Variants in AMN1 observed in about 807,000 individuals in gnomAD.
The protein encoded by AMN1 is antagonist of mitotic exit network 1 homolog.
A neutral mutation model predicts 33.0 loss-of-function variants in AMN1; 20 were observed. That is an observed-to-expected ratio of 0.61 (90% CI 0.43 to 0.88). AMN1 has a LOEUF of 0.88. Among genes scored for constraint, AMN1 ranks in the 40% least tolerant of loss-of-function variants. The probability of loss-of-function intolerance (pLI) is 0.00; values close to 1 mark genes in which losing one functional copy is unlikely to be tolerated. For missense variants in AMN1, 246 were observed against 307.4 expected, an observed-to-expected ratio of 0.80 and a Z score of 1.49; for synonymous variants, 114 against 111.9, an observed-to-expected ratio of 1.02 and a Z score of -0.12.
chr12:31,717,539 AATTCT>A (rs1172351535), intron 1 of AMN1, among the ~76,000 whole-genome samples: 14 of 152,130 alleles, frequency 9.2e-5, no homozygotes, highest in African/African-American at 3.4e-4. Context: ...AGATTAAATA[AATTCT>A]TCTCTAGTGT....
intron 1 of AMN1, among the ~76,000 whole-genome samples, chr12:31,723,472 G>A (rs891581472): frequency 6.6e-6 from 1 of 151,962 alleles, no homozygotes; most frequent in African/African-American, 2.4e-5. Context: ...CACTATGCCC[G>A]GCTAAGTTTT....
At position 31,711,861 on chromosome 12, in the gene AMN1, C is replaced by T. The variant is rs530314698; in HGVS notation, c.39-2436G>A. Among the ~76,000 whole-genome samples, 70 of 152,206 alleles carry T rather than the reference C, an allele frequency of 4.6e-4. 1 individual carries two copies. The South Asian group carries it at 0.013, about 29-fold the overall frequency. The stretch of plus-strand genomic sequence containing the variant: ...ATCAACCTCTCTCTATGCCGCCATC[C>T]CCTGCCCTTCCCAGCCTCTGTTAGC... On this transcript the variant is annotated intron_variant, in intron 1 of 6. Transcript: ENST00000281471.
intron 1 of AMN1, among the ~76,000 whole-genome samples, chr12:31,728,002 A>C (rs1188178803): frequency 6.6e-6 from 1 of 152,162 alleles, no homozygotes; most frequent in African/African-American, 2.4e-5. Flanking sequence ...CTGGGATTAC[A>C]GGCGTGAACC....
At chr12:31,701,502 G>A (rs917058208) in intron 3 of AMN1, among the ~76,000 whole-genome samples, 4 of 151,996 alleles carry the variant, frequency 2.6e-5, no homozygotes, top group African/African-American at 7.2e-5. Flanking sequence ...GGTCGGGGGC[G>A]GTCCATCATG....
At chr12:31,672,589 C>A in intron 6 of AMN1, 2 of 399,908 alleles carry the variant, frequency 5.0e-6, no homozygotes, top group Non-Finnish European at 4.5e-6. Context: ...CATGGTATTA[C>A]TTGTTTAAAA....
intron 2 of AMN1, among the ~76,000 whole-genome samples, chr12:31,705,802 AACCTCCTGCTTATC>A (rs1037956494): frequency 6.6e-6 from 1 of 152,106 alleles, no homozygotes; most frequent in African/African-American, 2.4e-5. Context: ...AAAACTCATA[AACCTCCTGCTTATC>A]ACCAAACACT....
Position 31,723,232 on chromosome 12 carries a change from A to G in AMN1, c.38+5739T>C, listed in dbSNP as rs1385244728. ...CACACACACAAACACACACGCACACACACACCACCCCTGGGGCTATTGTTA... is the reference window on the plus strand; with the variant it reads ...CACACACACAAACACACACGCACACGCACACCACCCCTGGGGCTATTGTTA... On this transcript the variant is annotated intron_variant, in intron 1 of 6. Transcript: ENST00000281471. Among the ~76,000 whole-genome samples the G allele has an allele frequency of 2.6e-5, 4 of 152,224 alleles. No homozygotes were observed. The East Asian group carries it at 7.7e-4, about 29-fold the overall frequency.
At chr12:31,711,496 C>A (rs1939464571) in intron 1 of AMN1, among the ~76,000 whole-genome samples, 1 of 152,204 alleles carries the variant, frequency 6.6e-6, no homozygotes, top group South Asian at 2.1e-4. Flanking sequence ...TACCAATAAA[C>A]AACATCCTTG....
intron 1 of AMN1, chr12:31,715,710 G>T: frequency 6.2e-6 from 1 of 160,904 alleles, no homozygotes; most frequent in South Asian, 1.8e-4. Context: ...GATGGTATCT[G>T]AGAATCAGTT....
intron 3 of AMN1, among the ~76,000 whole-genome samples, chr12:31,700,980 C>T (rs994566109): frequency 2.5e-4 from 38 of 151,410 alleles, no homozygotes; most frequent in Non-Finnish European, 4.4e-4. Flanking sequence ...TGAGCCAACA[C>T]GCCTGGCCAA....
chr12:31,724,154 C>A (rs1939975142), intron 1 of AMN1, among the ~76,000 whole-genome samples: 1 of 152,092 alleles, frequency 6.6e-6, no homozygotes, highest in African/African-American at 2.4e-5. Flanking sequence ...TGCAGACATA[C>A]CTGTGGTAAA....
intron 5 of AMN1, among the ~76,000 whole-genome samples, chr12:31,691,843 G>A (rs7968269): frequency 0.45 from 68,470 of 151,874 alleles, 16,765 homozygotes; most frequent in Middle Eastern, 0.57. Flanking sequence ...ATAATTGAGC[G>A]GGGCTTTAGA....
intron 1 of AMN1, among the ~76,000 whole-genome samples, chr12:31,716,309 A>G (rs1939675450): frequency 1.3e-5 from 2 of 152,206 alleles, no homozygotes; most frequent in Non-Finnish European, 2.9e-5. Context: ...ATGAATATCA[A>G]TATGAATATT....
rs551796093 is a variant in AMN1, at chr12:31,689,121, A to G, written c.592-3T>C. 2 of 1,590,250 alleles carry G rather than the reference A, an allele frequency of 1.3e-6. No homozygotes were observed. Among genetic ancestry groups the G allele is most frequent in the Admixed American group, 1.7e-5 (1 of 58,668 alleles). On this transcript the variant is annotated splice_polypyrimidine_tract_variant and splice_region_variant and intron_variant, in intron 5 of 6. Transcript: ENST00000281471. Reference sequence around the variant, plus strand: ...ACACAATGTCCCATATGAATCTCCTATGCAAAAATAAAGAAAATAAAGTCA... The same window carrying G: ...ACACAATGTCCCATATGAATCTCCTGTGCAAAAATAAAGAAAATAAAGTCA...
chr12:31,707,490 A>G (rs895523427), intron 2 of AMN1, among the ~76,000 whole-genome samples: 3 of 152,184 alleles, frequency 2.0e-5, no homozygotes, highest in African/African-American at 4.8e-5. Context: ...CCACTTCTGA[A>G]AAGACTATGC....
At chr12:31,686,503 T>C (rs1255660294) in intron 6 of AMN1, among the ~76,000 whole-genome samples, 1 of 152,142 alleles carries the variant, frequency 6.6e-6, no homozygotes, top group Non-Finnish European at 1.5e-5. Flanking sequence ...CTTCTCAATT[T>C]ATGATGGGGT....
In AMN1 at chr12:31,689,024, C is replaced by G; in HGVS notation, c.686G>C (p.Gly229Ala). 6.2e-7 allele frequency: 1 copy of G among 1,612,112 alleles called. No individual in the cohort carries two copies. Among genetic ancestry groups the G allele is most frequent in the Non-Finnish European group, 8.5e-7 (1 of 1,178,816 alleles). Reference sequence around the variant, plus strand: ...GCACTAACCTGTTATCAAGGGGCATCCATGGAAGAGTAATATACGTATTTG... The same window carrying G: ...GCACTAACCTGTTATCAAGGGGCATGCATGGAAGAGTAATATACGTATTTG... ...CPQIRILLFH[G>A]CPLITDHSRE... Residue 229 changes from glycine (G) to alanine (A), a missense_variant, in exon 6 of 7, where the codon GGA becomes GCA. Coordinates refer to ENST00000281471, the MANE Select transcript of AMN1 (RefSeq NM_001113402.2).
intron 5 of AMN1, among the ~76,000 whole-genome samples, chr12:31,694,487 C>G: frequency 6.6e-6 from 1 of 150,784 alleles, no homozygotes; most frequent in East Asian, 1.9e-4. Context: ...GTGGCTTATA[C>G]CTGTAATTCC....
In AMN1 at chr12:31,675,044, C is replaced by A. The variant is rs192483557; in HGVS notation, c.704-2667G>T. On this transcript the variant is annotated intron_variant, in intron 6 of 6. Transcript: ENST00000281471. Reference sequence around the variant, plus strand: ...GTCAAAAAAAAAAAAAAAGAAACACCAGTTGACAAAAACCAATGCTCATTC... The same window carrying A: ...GTCAAAAAAAAAAAAAAAGAAACACAAGTTGACAAAAACCAATGCTCATTC... Among the ~76,000 whole-genome samples the A allele has an allele frequency of 4.2e-3, 635 of 150,690 alleles. 2 individuals carry two copies. Among genetic ancestry groups the A allele is most frequent in the Admixed American group, 6.8e-3 (103 of 15,078 alleles).
Sources: allele counts gnomAD v4.1 joint callset (sites outside exome capture counted in the v4.1 genomes callset), GRCh38; gene constraint gnomAD v4.1.1; transcripts MANE v1.5; gene names NCBI Gene and HGNC (gene_info 2026-07-23, HGNC 2026-07-21).